LDB3: variants seen among roughly 807,000 people sequenced by gnomAD.
The protein encoded by LDB3 is LIM domain-binding protein 3.
Under a neutral mutation model 69.0 loss-of-function variants are expected in LDB3, and 49 were observed. The ratio of observed to expected loss-of-function variants is 0.71; its 90% CI spans 0.56 to 0.90. The LOEUF (loss-of-function observed/expected upper bound fraction) is 0.90, where lower values mean the gene tolerates loss of function less well. Ranked by LOEUF, LDB3 falls within the 40% of genes least tolerant of loss-of-function variation. LDB3 has a pLI of 0.00. For missense variants in LDB3, 928 were observed against 974.1 expected, an observed-to-expected ratio of 0.95 and a Z score of 0.63; for synonymous variants, 387 against 396.2, an observed-to-expected ratio of 0.98 and a Z score of 0.28.
intron 9 of LDB3, among the ~76,000 whole-genome samples, chr10:86,710,914 C>A (rs1424196751): frequency 6.6e-6 from 1 of 152,214 alleles, no homozygotes; most frequent in African/African-American, 2.4e-5. Context: ...TTCATGGACA[C>A]CTTGTGTTCT....
In LDB3 at chr10:86,733,146, T is replaced by A; in HGVS notation, c.*170T>A. On this transcript the variant is annotated 3_prime_UTR_variant, in exon 14 of 14. Transcript: ENST00000361373. ...TTCTTCTGTACACAGATCGTGCATT[T>A]GCATAGTTCAGACTAGGAGCCAAAT... The A allele has an allele frequency of 1.6e-6, 1 of 620,072 alleles. No individual in the cohort carries two copies. Among genetic ancestry groups the A allele is most frequent in the Non-Finnish European group, 2.9e-6 (1 of 346,088 alleles). 38.4% of individuals were successfully genotyped at this position (620,072 alleles called of 1,614,324 possible).
At chr10:86,720,336 C>T (rs1249669602) in intron 12 of LDB3, among the ~76,000 whole-genome samples, 2 of 151,824 alleles carry the variant, frequency 1.3e-5, no homozygotes, top group Non-Finnish European at 1.5e-5. Flanking sequence ...CCCAGCTACT[C>T]GGGAGGCTGA....
At chr10:86,671,383 C>T (rs1844462846) in intron 2 of LDB3, among the ~76,000 whole-genome samples, 1 of 152,154 alleles carries the variant, frequency 6.6e-6, no homozygotes, top group African/African-American at 2.4e-5. Context: ...TGGGTGGTGG[C>T]TCCCGGGGGC....
At chr10:86,717,227 T>C (rs867484473) in intron 10 of LDB3, among the ~76,000 whole-genome samples, 16 of 152,278 alleles carry the variant, frequency 1.1e-4, no homozygotes, top group Middle Eastern at 3.4e-3. Context: ...ACAAGTGATT[T>C]CATACTTAGA....
chr10:86,675,694 C>T (rs759497411), intron 2 of LDB3, among the ~76,000 whole-genome samples: 2 of 152,184 alleles, frequency 1.3e-5, no homozygotes, highest in African/African-American at 2.4e-5. Flanking sequence ...TTGAAATGCC[C>T]GGCAAATGAG....
rs746330606 is a variant in LDB3 at position 86,732,988 on chromosome 10, C to G, written c.*12C>G. 26 of 1,605,172 alleles carry G rather than the reference C, an allele frequency of 1.6e-5. No homozygotes were observed. Among genetic ancestry groups the G allele is most frequent in the Non-Finnish European group, 2.1e-5 (25 of 1,173,276 alleles). ...CCATCAACTTGTAGGCGGCCAAGGC[C>G]GCCTGTGCTGACGAGGCCCGGAGCT... On this transcript the variant is annotated 3_prime_UTR_variant, in exon 14 of 14. Coordinates refer to ENST00000361373, the MANE Select transcript of LDB3 (RefSeq NM_007078.3).
intron 3 of LDB3, 145 bp downstream of exon 3, chr10:86,679,663 C>T: frequency 1.1e-6 from 1 of 945,374 alleles, no homozygotes; most frequent in Non-Finnish European, 1.6e-6. Context: ...AGCCCTGGGC[C>T]AGAGGAATGA....
intron 7 of LDB3, 26 bp from the exon 8 acceptor site, chr10:86,706,504 GT>G: frequency 6.2e-7 from 1 of 1,609,822 alleles, no homozygotes; most frequent in African/African-American, 1.3e-5. Context: ...CCCTTGACCT[GT>G]TGTCTTTTTG....
chr10:86,720,760 T>G lies in LDB3; in HGVS notation c.1978+1913T>G, dbSNP rs112832104. On this transcript the variant is annotated intron_variant, in intron 12 of 13. Transcript: ENST00000361373. ...TTTTGAAAGAATGATAGATTTCCAT[T>G]ATCACTGCTGCCCCTCATCATAGCA... Among the ~76,000 whole-genome samples, 323 of 152,338 alleles carry G rather than the reference T, an allele frequency of 2.1e-3. 1 individual carries two copies. The highest frequency in any genetic ancestry group is 6.6e-3 in the African/African-American group (276 of 41,574).
chr10:86,727,935 C>T (rs1472116793), intron 13 of LDB3, among the ~76,000 whole-genome samples: 2 of 151,680 alleles, frequency 1.3e-5, no homozygotes, highest in African/African-American at 2.4e-5. Context: ...CCTTCTTGCA[C>T]GTGAATTTTG....
intron 7 of LDB3, among the ~76,000 whole-genome samples, chr10:86,693,475 A>G (rs887334935): frequency 6.6e-6 from 1 of 152,266 alleles, no homozygotes; most frequent in Admixed American, 6.5e-5. Context: ...AGCAGGCCCA[A>G]CACTCAGTGG....
At chr10:86,707,604 G>T (rs1279640477) in intron 8 of LDB3, among the ~76,000 whole-genome samples, 1 of 152,160 alleles carries the variant, frequency 6.6e-6, no homozygotes, top group Non-Finnish European at 1.5e-5. Context: ...TTAGTGTTTG[G>T]GGTCAGAGCC....
At chr10:86,686,455 A>C (rs985223403) in intron 5 of LDB3, among the ~76,000 whole-genome samples, 1 of 152,090 alleles carries the variant, frequency 6.6e-6, no homozygotes, top group Non-Finnish European at 1.5e-5. Context: ...GCCCCTGCAG[A>C]CCCTGGGAGG....
rs910068440 is a variant in LDB3, at chr10:86,734,434, T to A, written c.*1458T>A. Reference sequence around the variant, plus strand: ...AATATGCTCATTGAAAACATGGCATTGAAGCAGGCACTTGCGTGGATGTTT... The same window carrying A: ...AATATGCTCATTGAAAACATGGCATAGAAGCAGGCACTTGCGTGGATGTTT... On this transcript the variant is annotated 3_prime_UTR_variant, in exon 14 of 14. Coordinates refer to ENST00000361373, the MANE Select transcript of LDB3 (RefSeq NM_007078.3). 2 of 152,230 alleles carry A rather than the reference T, an allele frequency of 1.3e-5. No homozygotes were observed. Among genetic ancestry groups the A allele is most frequent in the Non-Finnish European group, 2.9e-5 (2 of 68,028 alleles). The allele number at this position is 152,230 out of a possible 1,614,324, so 9.4% of individuals were successfully genotyped here. A position where few individuals can be genotyped will look rare whatever the true frequency, so the allele number is the denominator to read the frequency against.
chr10:86,679,228 CA>C, intron 2 of LDB3, 138 bp from the exon 3 acceptor site: 1 of 1,004,158 alleles, frequency 1.0e-6, no homozygotes, highest in Non-Finnish European at 1.5e-6. Context: ...GCTTGGTTAG[CA>C]GCTGGTACTG....
At chr10:86,670,623 G>T (rs1476479924) in intron 2 of LDB3, among the ~76,000 whole-genome samples, 5 of 152,242 alleles carry the variant, frequency 3.3e-5, no homozygotes, top group Middle Eastern at 6.3e-3. Flanking sequence ...CAGCCCAGAA[G>T]CCTTAAGCTA....
intron 5 of LDB3, among the ~76,000 whole-genome samples, chr10:86,682,298 G>A (rs367572551): frequency 2.0e-5 from 3 of 152,222 alleles, no homozygotes; most frequent in East Asian, 1.9e-4. Context: ...CTGGAGGAGG[G>A]AGCCCTTGAA....
chr10:86,681,790 G>C lies in LDB3; in HGVS notation c.676G>C (p.Gly226Arg). ...CCTCCGAGGGAAGGCCTCGGGTGTC[G>C]GACTCCCAGGAGGGTAGGTAACGGA... is the stretch of plus-strand genomic sequence containing the variant. ...MSLRGKASGV[G>R]LPGGSLPIKD... Residue 226 changes from glycine to arginine, a missense_variant, in exon 5 of 14, where the codon GGA becomes CGA. Transcript: ENST00000361373. The C allele has an allele frequency of 6.3e-7, 1 of 1,595,142 alleles. No homozygotes were observed. The highest frequency in any genetic ancestry group is 8.5e-7 in the Non-Finnish European group (1 of 1,171,280).
chr10:86,682,630 C>A (rs1845225987), intron 5 of LDB3, among the ~76,000 whole-genome samples: 1 of 152,200 alleles, frequency 6.6e-6, no homozygotes, highest in Non-Finnish European at 1.5e-5. Flanking sequence ...CCTCTCCAGG[C>A]AGGGCAGGCT....
Sources: gnomAD v4.1 joint callset for allele counts (sites outside exome capture counted in the v4.1 genomes callset) on GRCh38, gnomAD v4.1.1 for gene constraint, MANE v1.5 for transcripts, NCBI Gene and HGNC (gene_info 2026-07-23, HGNC 2026-07-21) for gene names.